The following AATK variants were observed in gnomAD, a reference collection of about 807,000 sequenced individuals.
AATK encodes the protein serine/threonine-protein kinase LMTK1.
A neutral mutation model predicts 114.3 loss-of-function variants in AATK; 91 were observed. The ratio of observed to expected loss-of-function variants is 0.80; its 90% confidence interval spans 0.67 to 0.95. The LOEUF (loss-of-function observed/expected upper bound fraction) is 0.95. Among genes scored for constraint, AATK ranks in the 40% least tolerant of loss-of-function variants. AATK has a pLI of 0.00. For synonymous variants in AATK, 1,075 were observed against 916.5 expected (o/e 1.17, Z -3.12); for missense variants, 2,176 against 1,965.2 (o/e 1.11, Z -2.03).
At chr17:81,149,273 G>A (rs866841336) in intron 1 of AATK, among the ~76,000 whole-genome samples, 9 of 151,684 alleles carry the variant, frequency 5.9e-5, no homozygotes, top group South Asian at 2.1e-4. Context: ...CTCCAGCCCC[G>A]TCACCAGGCC....
At position 81,126,739 on chromosome 17, in the gene AATK, G is replaced by A; in HGVS notation, c.622-179C>T. 1 of 1,418,288 alleles carries A rather than the reference G, an allele frequency of 7.1e-7. No homozygotes were observed. The highest frequency in any genetic ancestry group is 2.9e-5 in the Admixed American group (1 of 34,472). 87.9% of individuals were successfully genotyped at this position (1,418,288 alleles called of 1,614,324 possible). The stretch of plus-strand genomic sequence containing the variant: ...CCAGCAGTTCCTGGAGGGGGGCCGT[G>A]TCCCCCAGGGCTGGGCTGGACTGAA... On this transcript the variant is annotated intron_variant, in intron 6 of 13. Transcript: ENST00000326724. The surrounding 1 kb of genome is among the most constrained non-coding windows in gnomAD (Gnocchi z 5.1).
chr17:81,158,231 C>T (rs1483692156), intron 1 of AATK, among the ~76,000 whole-genome samples: 22 of 152,354 alleles, frequency 1.4e-4, no homozygotes, highest in Non-Finnish European at 1.5e-5. Flanking sequence ...CGGCAGAGAG[C>T]AGGGCGGGGC....
chr17:81,148,326 C>T (rs1031733823), intron 1 of AATK, among the ~76,000 whole-genome samples: 3 of 152,260 alleles, frequency 2.0e-5, no homozygotes, highest in Admixed American at 2.0e-4. Context: ...TCTCCGTCCA[C>T]TCTCTGCTGC....
chr17:81,156,083 AATGT>A (rs879420492), intron 1 of AATK, among the ~76,000 whole-genome samples: 4 of 139,756 alleles, frequency 2.9e-5, no homozygotes, highest in East Asian at 2.0e-4. Flanking sequence ...ACTATGTTAC[AATGT>A]ATGTTACAAT....
intron 13 of AATK, 111 bp downstream of exon 13, chr17:81,119,269 A>AGCCGG: frequency 9.4e-7 from 1 of 1,069,304 alleles, no homozygotes; most frequent in Non-Finnish European, 1.2e-6. Flanking sequence ...AGCGGAGCGG[A>AGCCGG]GCGGAGCCGG....
intron 1 of AATK, among the ~76,000 whole-genome samples, chr17:81,165,015 G>A (rs147618460): frequency 3.4e-4 from 52 of 152,368 alleles, no homozygotes; most frequent in Non-Finnish European, 6.5e-4. Context: ...AGGAGATCAC[G>A]TCACATGCAA....
At chr17:81,142,199 T>C (rs953487240) in intron 1 of AATK, among the ~76,000 whole-genome samples, 1 of 152,230 alleles carries the variant, frequency 6.6e-6, no homozygotes, top group South Asian at 2.1e-4. Flanking sequence ...CTTCAGGTGA[T>C]CCACCCACCT....
intron 1 of AATK, among the ~76,000 whole-genome samples, chr17:81,136,568 G>T (rs991532946): frequency 1.3e-5 from 2 of 152,138 alleles, no homozygotes. Flanking sequence ...GTCCTTCCCC[G>T]CACTGAGGCA....
In AATK at chr17:81,119,960, G is replaced by T. The variant is rs2060677478; in HGVS notation, c.3859C>A (p.Pro1287Thr). ...CCCTCTTCCGCTGTGGAGCCATTTG[G>T]GGAGCCATCAGCCTGCTGCGGCCGG... ...PNRPQQADGS[P>T]NGSTAEEGGG... Residue 1287 changes from proline (P) to threonine (T), a missense_variant, in exon 12 of 14, where the codon CCA (proline) becomes ACA (threonine). Physicochemically the swap from Pro to Thr is conservative, Grantham distance 38. Around this residue, in one of 4 missense-constraint regions of AATK, gnomAD observed 1,701 missense variants for 1,394.7 expected, o/e 1.22. Coordinates refer to ENST00000326724, the MANE Select transcript of AATK (RefSeq NM_001080395.3). 6.9e-7 allele frequency: 1 copy of T among 1,450,116 alleles called. No homozygotes were observed. Among genetic ancestry groups the T allele is most frequent in the Non-Finnish European group, 9.1e-7 (1 of 1,103,016 alleles). 89.8% of individuals were successfully genotyped at this position (1,450,116 alleles called of 1,614,324 possible). A position where few individuals can be genotyped will look rare whatever the true frequency, so the allele number is the denominator to read the frequency against.
At chr17:81,119,246 G>T in intron 13 of AATK, 134 bp downstream of exon 13, 6 of 848,948 alleles carry the variant, frequency 7.1e-6, no homozygotes, top group Non-Finnish European at 6.2e-6. Flanking sequence ...GGGAAGGAGC[G>T]GGGCCGGGAA....
In AATK at chr17:81,155,521, G is replaced by T. The variant is rs534024258; in HGVS notation, c.55+10417C>A. Among the ~76,000 whole-genome samples, 36 of 152,178 alleles carry T rather than the reference G, an allele frequency of 2.4e-4. 1 individual carries two copies. The South Asian group carries it at 7.1e-3, about 30-fold the overall frequency. ...CCTGCCTCAGCCTCCCGAGCAGCTG[G>T]ATTACAGATGCCCGCCACCATGCCT... On this transcript the variant is annotated intron_variant, in intron 1 of 13. Transcript: ENST00000326724.
intron 10 of AATK, 121 bp from the exon 11 acceptor site, chr17:81,122,944 C>T (rs1178816743): frequency 7.8e-6 from 8 of 1,032,156 alleles, no homozygotes; most frequent in Non-Finnish European, 1.1e-5. Flanking sequence ...GTATCTCCCA[C>T]TTAATTGACA....
chr17:81,151,030 T>A (rs2061287995), intron 1 of AATK, among the ~76,000 whole-genome samples: 2 of 152,112 alleles, frequency 1.3e-5, no homozygotes, highest in Non-Finnish European at 2.9e-5. Flanking sequence ...AGTAGTAAGA[T>A]TCTTGGGGTT....
chr17:81,120,143 C>G, intron 11 of AATK, 58 bp downstream of exon 11: 1 of 1,511,344 alleles, frequency 6.6e-7, no homozygotes, highest in Non-Finnish European at 8.9e-7. Context: ...CGCTCCCACC[C>G]CTTCCTGCGG....
At chr17:81,156,963 CAG>C (rs916368210) in intron 1 of AATK, among the ~76,000 whole-genome samples, 5 of 152,138 alleles carry the variant, frequency 3.3e-5, no homozygotes, top group Non-Finnish European at 5.9e-5. Flanking sequence ...CCTCCCGACA[CAG>C]GGGAGAGAGG....
Position 81,124,942 on chromosome 17 carries a change from G to C in AATK, c.828C>G (p.His276Gln). The C allele has an allele frequency of 6.4e-7, 1 of 1,573,448 alleles. No homozygotes were observed. The highest frequency in any genetic ancestry group is 1.3e-5 in the African/African-American group (1 of 74,352). Residue 276 changes from histidine to glutamine, a missense_variant, in exon 8 of 14, where the codon CAC becomes CAG. By Grantham distance (24) the His-to-Gln change is conservative. Transcript: ENST00000326724. ...TVKIGDYGLA[H>Q]CKYREDYFVT... ...CCACCCCACTCACTCTGTACTTGCA[G>C]TGAGCCAGGCCATAGTCACCAATCT...
At chr17:81,158,770 C>T (rs1225837106) in intron 1 of AATK, among the ~76,000 whole-genome samples, 2 of 152,212 alleles carry the variant, frequency 1.3e-5, no homozygotes, top group East Asian at 3.8e-4. Context: ...TGGGCAGCCC[C>T]CACATGCTCA....
At chr17:81,139,730 G>A (rs1221121285) in intron 1 of AATK, among the ~76,000 whole-genome samples, 2 of 152,234 alleles carry the variant, frequency 1.3e-5, no homozygotes, top group African/African-American at 4.8e-5. Context: ...CCTCCACTGC[G>A]CTGCTGAGGC....
rs1351061112 is a variant in AATK, at chr17:81,121,567, G to A, written c.2369C>T (p.Thr790Ile). ...PKLATEAEGT[T>I]GPRLPLPSVP... ...GGAAGGAAGGGGCAGGCGGGGTCCG[G>A]TAGTGCCCTCAGCCTCCGTGGCAAG... Residue 790 changes from threonine (T) to isoleucine (I), a missense_variant, in exon 11 of 14, where the codon ACC becomes ATC. Transcript: ENST00000326724. 4.0e-6 allele frequency: 6 copies of A among 1,516,430 alleles called. No individual in the cohort carries two copies. Among genetic ancestry groups the A allele is most frequent in the Non-Finnish European group, 5.3e-6 (6 of 1,132,520 alleles). 93.9% of individuals were successfully genotyped at this position (1,516,430 alleles called of 1,614,324 possible).
Sources: gnomAD v4.1 joint callset for allele counts (sites outside exome capture counted in the v4.1 genomes callset) on GRCh38, gnomAD v4.1.1 for gene constraint, gnomAD v4.1.1 regional missense constraint, Gnocchi (gnomAD v3.1) non-coding constraint, MANE v1.5 for transcripts, NCBI Gene and HGNC (gene_info 2026-07-23, HGNC 2026-07-21) for gene names.